The following NKAIN2 variants were observed in gnomAD, a reference collection of about 807,000 sequenced individuals.
The protein encoded by NKAIN2 is sodium/potassium transporting ATPase interacting 2.
A neutral mutation model predicts 32.6 loss-of-function variants in NKAIN2; 14 were observed. The ratio of observed to expected loss-of-function variants is 0.43; its 90% CI spans 0.28 to 0.67. The LOEUF is 0.67. Among genes scored for constraint, NKAIN2 ranks in the 30% least tolerant of loss-of-function variants. NKAIN2 has a pLI of 0.17. For synonymous variants in NKAIN2, 80 were observed against 87.2 expected, an observed-to-expected ratio of 0.92 and a Z score of 0.46; for missense variants, 198 against 258.3, an observed-to-expected ratio of 0.77 and a Z score of 1.60.
intron 1 of NKAIN2, among the ~76,000 whole-genome samples, chr6:123,812,815 AC>A (rs1373675662): frequency 3.9e-5 from 6 of 152,128 alleles, no homozygotes; most frequent in Non-Finnish European, 8.8e-5. Context: ...CACATTTAAA[AC>A]CCCCAACAAT....
intron 1 of NKAIN2, among the ~76,000 whole-genome samples, chr6:124,147,321 G>C (rs901179845): frequency 6.6e-6 from 1 of 152,120 alleles, no homozygotes; most frequent in Non-Finnish European, 1.5e-5. Flanking sequence ...AACACTGATT[G>C]CACACATGGG....
chr6:124,270,378 T>C (rs759023264), intron 1 of NKAIN2, among the ~76,000 whole-genome samples: 1 of 152,160 alleles, frequency 6.6e-6, no homozygotes, highest in Non-Finnish European at 1.5e-5. Flanking sequence ...CTGATAATGA[T>C]ATATGAGGCA....
intron 1 of NKAIN2, among the ~76,000 whole-genome samples, chr6:123,940,354 GTGTA>G (rs1295649933): frequency 6.7e-6 from 1 of 150,352 alleles, no homozygotes; most frequent in Non-Finnish European, 1.5e-5. Flanking sequence ...ATATGTGTAT[GTGTA>G]TGTGTGTATA....
chr6:124,252,657 A>G (rs1793740746), intron 1 of NKAIN2, among the ~76,000 whole-genome samples: 1 of 152,156 alleles, frequency 6.6e-6, no homozygotes, highest in Non-Finnish European at 1.5e-5. Context: ...TAGTTAAAGT[A>G]TATTCCAAAT....
At chr6:124,507,405 C>T (rs929886238) in intron 3 of NKAIN2, among the ~76,000 whole-genome samples, 1 of 152,136 alleles carries the variant, frequency 6.6e-6, no homozygotes, top group Non-Finnish European at 1.5e-5. Context: ...TTTAGAACTT[C>T]ATATTTTTCC....
chr6:124,415,072 C>T (rs1774399170), intron 3 of NKAIN2, among the ~76,000 whole-genome samples: 2 of 152,224 alleles, frequency 1.3e-5, no homozygotes, highest in South Asian at 4.2e-4. Context: ...TCTCCACCAA[C>T]AGGAAAGTAA....
chr6:124,685,293 C>A (rs570097724), intron 4 of NKAIN2, among the ~76,000 whole-genome samples: 1 of 152,072 alleles, frequency 6.6e-6, no homozygotes. Context: ...GTGAACAATT[C>A]TACTTTAAAC....
chr6:124,013,797 A>G (rs1780444943), intron 1 of NKAIN2, among the ~76,000 whole-genome samples: 1 of 152,214 alleles, frequency 6.6e-6, no homozygotes, highest in South Asian at 2.1e-4. Flanking sequence ...AAGCAATGCA[A>G]TCACAGAAAA....
At chr6:124,813,533 G>C (rs1402535772) in intron 5 of NKAIN2, among the ~76,000 whole-genome samples, 2 of 152,120 alleles carry the variant, frequency 1.3e-5, no homozygotes, top group Non-Finnish European at 2.9e-5. Flanking sequence ...TTCCAAAAAT[G>C]TACTAGAATG....
intron 3 of NKAIN2, among the ~76,000 whole-genome samples, chr6:124,441,305 C>A (rs1775678316): frequency 6.6e-6 from 1 of 152,066 alleles, no homozygotes; most frequent in Non-Finnish European, 1.5e-5. Context: ...ATATTAATTC[C>A]AATCAAGAGA....
At chr6:124,804,481 A>C in intron 5 of NKAIN2, 1 of 953,198 alleles carries the variant, frequency 1.0e-6, no homozygotes, top group Non-Finnish European at 1.2e-6. Context: ...ATGTGTTACC[A>C]AGCTTAAAAT....
chr6:124,520,173 G>A (rs1779068989), intron 3 of NKAIN2, among the ~76,000 whole-genome samples: 1 of 152,024 alleles, frequency 6.6e-6, no homozygotes, highest in African/African-American at 2.4e-5. Context: ...TACTCTCAAA[G>A]TGTGGAATTT....
At chr6:124,485,030 T>C (rs144903407) in intron 3 of NKAIN2, among the ~76,000 whole-genome samples, 162 of 152,282 alleles carry the variant, frequency 1.1e-3, no homozygotes, top group African/African-American at 3.6e-3. Context: ...TACAGGCCAG[T>C]ACCAGGGGTC....
intron 1 of NKAIN2, among the ~76,000 whole-genome samples, chr6:123,846,965 A>T (rs1017998418): frequency 1.3e-5 from 2 of 152,202 alleles, no homozygotes; most frequent in Non-Finnish European, 2.9e-5. Context: ...CTTATCGCAC[A>T]TTCAGTCCAG....
chr6:123,998,412 A>G (rs1540754), intron 1 of NKAIN2, among the ~76,000 whole-genome samples: 68,304 of 151,788 alleles, frequency 0.45, 16,318 homozygotes, highest in East Asian at 0.61. Context: ...TTTCCTGTGG[A>G]GATACTCAGC....
intron 2 of NKAIN2, among the ~76,000 whole-genome samples, chr6:124,330,128 C>T (rs1562493536): frequency 6.6e-6 from 1 of 152,176 alleles, no homozygotes; most frequent in East Asian, 1.9e-4. Flanking sequence ...CCCAATTCAC[C>T]ATCAGTGTGC....
At chr6:123,972,575 C>T (rs1199033516) in intron 1 of NKAIN2, among the ~76,000 whole-genome samples, 2 of 152,024 alleles carry the variant, frequency 1.3e-5, no homozygotes. Flanking sequence ...GAACAGTGAG[C>T]GTCTTTGGAT....
At chr6:123,996,117 A>G (rs997325708) in intron 1 of NKAIN2, among the ~76,000 whole-genome samples, 14 of 152,092 alleles carry the variant, frequency 9.2e-5, no homozygotes, top group African/African-American at 3.4e-4. Flanking sequence ...AGAAAGGAAA[A>G]CAGTAATGTT....
rs141740655 is a variant in NKAIN2 at position 124,451,535 on chromosome 6, C to G, written c.273+96188C>G. ...GGTTTCCCATTTTCAGATAGTTATT[C>G]GCAAGCTAGGGTGCTCATAAAAGAG... On this transcript the variant is annotated intron_variant, in intron 3 of 6. Transcript: ENST00000368417. Among the ~76,000 whole-genome samples the G allele has an allele frequency of 5.9e-3, 896 of 152,058 alleles. 21 individuals carry two copies. Among genetic ancestry groups the G allele is most frequent in the Admixed American group, 0.04 (617 of 15,256 alleles).
Sources: allele counts gnomAD v4.1 joint callset (sites outside exome capture counted in the v4.1 genomes callset), GRCh38; gene constraint gnomAD v4.1.1; transcripts MANE v1.5; gene names NCBI Gene and HGNC (gene_info 2026-07-23, HGNC 2026-07-21).